Variants in KLHL1 observed in about 807,000 individuals in gnomAD.
KLHL1 encodes the protein kelch-like protein 1.
A neutral mutation model predicts 77.7 loss-of-function variants in KLHL1; 47 were observed. That is an observed-to-expected ratio of 0.60 (90% confidence interval 0.48 to 0.77). KLHL1 has a LOEUF of 0.77. Ranked by LOEUF, KLHL1 falls within the 30% of genes least tolerant of loss-of-function variation. KLHL1 has a pLI of 0.00. For synonymous variants in KLHL1, 360 were observed against 325.2 expected (o/e 1.11, Z -1.15); for missense variants, 925 against 910.8 (o/e 1.02, Z -0.20).
At chr13:69,985,675 T>C (rs796666731) in intron 1 of KLHL1, among the ~76,000 whole-genome samples, 25 of 150,676 alleles carry the variant, frequency 1.7e-4, no homozygotes, top group African/African-American at 5.6e-4. Flanking sequence ...TGAAAATACA[T>C]CTGCAACCCC....
chr13:70,041,126 TA>T (rs1886370606), intron 1 of KLHL1, among the ~76,000 whole-genome samples: 1 of 152,194 alleles, frequency 6.6e-6, no homozygotes, highest in Non-Finnish European at 1.5e-5. Flanking sequence ...TTGCTCATTT[TA>T]AAAAATTTTT....
chr13:69,837,653 T>C (rs1879069570), intron 6 of KLHL1, among the ~76,000 whole-genome samples: 4 of 131,722 alleles, frequency 3.0e-5, no homozygotes, highest in African/African-American at 1.3e-4. Flanking sequence ...TGTGTATATA[T>C]ATATGTGTGT....
intron 4 of KLHL1, among the ~76,000 whole-genome samples, chr13:69,929,979 C>T (rs1391204702): frequency 2.0e-5 from 3 of 151,808 alleles, no homozygotes; most frequent in African/African-American, 7.2e-5. Context: ...ATCCTGCTCG[C>T]TCCAGCTGAT....
In KLHL1 at chr13:70,107,841, GGCTGCGC is replaced by G. The variant is rs1199204912; in HGVS notation, c.-149_-143del. 2 of 638,392 alleles carry G rather than the reference GGCTGCGC, an allele frequency of 3.1e-6. No homozygotes were observed. The highest frequency in any genetic ancestry group is 5.1e-6 in the Non-Finnish European group (2 of 393,466). 39.5% of individuals were successfully genotyped at this position (638,392 alleles called of 1,614,324 possible). On this transcript the variant is annotated 5_prime_UTR_variant, in exon 1 of 11. Coordinates refer to ENST00000377844, the MANE Select transcript of KLHL1 (RefSeq NM_020866.3). ...CCCTAGAGCCAGAAGACGCTAGGTG[GGCTGCGC>G]GCTCTGCCAGGCGAAGGCTGGAGCG...
chr13:69,736,328 C>A (rs1242021649), intron 8 of KLHL1, among the ~76,000 whole-genome samples: 1 of 152,058 alleles, frequency 6.6e-6, no homozygotes, highest in South Asian at 2.1e-4. Context: ...CAAATCAAAA[C>A]CACAATGGAT....
rs1385976813 is a variant in KLHL1 at position 70,005,577 on chromosome 13, A to G, written c.498-29775T>C. 2.6e-5 allele frequency among the ~76,000 whole-genome samples: 4 copies of G among 151,984 alleles called. No individual in the cohort carries two copies. The Admixed American group carries it at 2.6e-4, about 10-fold the overall frequency. On this transcript the variant is annotated intron_variant, in intron 1 of 10. Coordinates refer to ENST00000377844, the MANE Select transcript of KLHL1 (RefSeq NM_020866.3). ...TGTGGCCCAGGGTAGCCAAAAGATT[A>G]GAAATCCTTATTTTAGATATATGTT...
At chr13:69,817,408 A>G (rs1661130872) in intron 6 of KLHL1, among the ~76,000 whole-genome samples, 1 of 152,116 alleles carries the variant, frequency 6.6e-6, no homozygotes, top group African/African-American at 2.4e-5. Flanking sequence ...TAAAAAATAC[A>G]TGTTTTCCTT....
intron 1 of KLHL1, among the ~76,000 whole-genome samples, chr13:70,028,215 C>A (rs1306475434): frequency 6.6e-6 from 1 of 151,988 alleles, no homozygotes; most frequent in African/African-American, 2.4e-5. Context: ...AGATGTAATA[C>A]CTTTGTTAAG....
intron 4 of KLHL1, among the ~76,000 whole-genome samples, chr13:69,896,800 C>T (rs1403219027): frequency 6.6e-6 from 1 of 151,790 alleles, no homozygotes; most frequent in African/African-American, 2.4e-5. Context: ...TCCTGAGTAG[C>T]TGGGACTACA....
chr13:69,845,683 C>T (rs149287889), intron 5 of KLHL1, among the ~76,000 whole-genome samples: 1,859 of 151,476 alleles, frequency 0.012, 42 homozygotes, highest in African/African-American at 0.042. Flanking sequence ...CTTATACTAG[C>T]ACTTGCTCTT....
intron 6 of KLHL1, among the ~76,000 whole-genome samples, chr13:69,802,727 C>G (rs1877443305): frequency 6.6e-6 from 1 of 151,944 alleles, no homozygotes; most frequent in African/African-American, 2.4e-5. Context: ...CTCTCACGTG[C>G]ACCCCCATAG....
intron 1 of KLHL1, among the ~76,000 whole-genome samples, chr13:70,065,150 C>A (rs557984052): frequency 1.3e-5 from 2 of 152,208 alleles, no homozygotes; most frequent in South Asian, 4.1e-4. Context: ...ATTGGCCTAA[C>A]CACAGTTCTT....
intron 1 of KLHL1, among the ~76,000 whole-genome samples, chr13:70,006,515 T>TC (rs1353294109): frequency 6.6e-6 from 1 of 151,640 alleles, no homozygotes; most frequent in Non-Finnish European, 1.5e-5. Flanking sequence ...TTTTTTTTTT[T>TC]TTCAAAGAGT....
At chr13:69,763,398 T>A (rs1875115581) in intron 7 of KLHL1, among the ~76,000 whole-genome samples, 1 of 152,194 alleles carries the variant, frequency 6.6e-6, no homozygotes, top group Non-Finnish European at 1.5e-5. Context: ...CTAAGGAGCA[T>A]CCTCTAAACT....
intron 6 of KLHL1, among the ~76,000 whole-genome samples, chr13:69,798,323 C>T (rs1268344273): frequency 6.6e-6 from 1 of 152,122 alleles, no homozygotes; most frequent in Admixed American, 6.5e-5. Context: ...TAGAACCTAA[C>T]TAGTAATGAA....
intron 6 of KLHL1, among the ~76,000 whole-genome samples, chr13:69,837,049 T>C (rs1045304852): frequency 6.6e-6 from 1 of 151,982 alleles, no homozygotes; most frequent in African/African-American, 2.4e-5. Context: ...CTTACTCATA[T>C]AAAAAGGTTT....
intron 3 of KLHL1, among the ~76,000 whole-genome samples, chr13:69,944,793 C>T (rs1883466769): frequency 1.3e-5 from 2 of 151,956 alleles, no homozygotes; most frequent in Non-Finnish European, 2.9e-5. Flanking sequence ...AATAAGAGCA[C>T]TACCTGATTT....
At chr13:70,073,376 G>A (rs1055251246) in intron 1 of KLHL1, among the ~76,000 whole-genome samples, 1 of 152,062 alleles carries the variant, frequency 6.6e-6, no homozygotes, top group Non-Finnish European at 1.5e-5. Flanking sequence ...CTTGGACACA[G>A]GAAGGGGAAC....
chr13:69,935,403 A>T (rs1474138013), intron 4 of KLHL1, among the ~76,000 whole-genome samples: 1 of 152,182 alleles, frequency 6.6e-6, no homozygotes, highest in Non-Finnish European at 1.5e-5. Flanking sequence ...TACTATATTA[A>T]TTGAGCAGAT....
Sources: allele counts gnomAD v4.1 joint callset (sites outside exome capture counted in the v4.1 genomes callset), GRCh38; gene constraint gnomAD v4.1.1; transcripts MANE v1.5; gene names NCBI Gene and HGNC (gene_info 2026-07-23, HGNC 2026-07-21).